Variants in MYO1F observed in about 807,000 individuals in gnomAD.
The protein encoded by MYO1F is unconventional myosin-If.
MYO1F carries 60 observed loss-of-function variants against 146.6 expected under a neutral mutation model. That is an observed-to-expected ratio of 0.41 (90% confidence interval 0.33 to 0.51). MYO1F has a LOEUF of 0.51. Among genes scored for constraint, MYO1F ranks in the 20% least tolerant of loss-of-function variants. MYO1F has a pLI of 0.25. For synonymous variants in MYO1F, 602 were observed against 602.1 expected (o/e 1.00, Z 0.00); for missense variants, 1,274 against 1,534.3 (o/e 0.83, Z 2.83).
chr19:8,559,552 T>G (rs1277327104), intron 1 of MYO1F, among the ~76,000 whole-genome samples: 1 of 151,962 alleles, frequency 6.6e-6, no homozygotes, highest in African/African-American at 2.4e-5. Context: ...CCAGGGTTGA[T>G]GAGAGGATGA....
Position 8,553,363 on chromosome 19 carries a change from C to T in MYO1F, c.401G>A (p.Gly134Asp). Reference protein sequence around the residue: ...MGYISKVSGGGEKVQHVKDII... With the variant: ...MGYISKVSGGDEKVQHVKDII... The stretch of plus-strand genomic sequence containing the variant: ...TCCTCGTCTCACCTGGACCTTCTCG[C>T]CTCCGCCAGACACCTTGGAGATGTA... Residue 134 changes from glycine to aspartate, a missense_variant, in exon 5 of 28, where the codon GGC (glycine) becomes GAC (aspartate). Transcript: ENST00000644032. The T allele has an allele frequency of 6.2e-7, 1 of 1,614,064 alleles. No individual in the cohort carries two copies. The highest frequency in any genetic ancestry group is 8.5e-7 in the Non-Finnish European group (1 of 1,180,016).
At chr19:8,527,616 G>A (rs1555719020) in intron 21 of MYO1F, 133 bp from the exon 22 acceptor site, 1 of 1,115,332 alleles carries the variant, frequency 9.0e-7, no homozygotes, top group Non-Finnish European at 1.3e-6. Flanking sequence ...GAAGGTGTAT[G>A]AGTCGTCTGT....
intron 8 of MYO1F, chr19:8,551,524 G>T (rs1423712742): frequency 3.4e-6 from 2 of 587,948 alleles, no homozygotes; most frequent in African/African-American, 1.9e-5. Context: ...GCTAATTTTT[G>T]TATTTTAAGT....
At chr19:8,574,070 A>T (rs897392164) in intron 1 of MYO1F, among the ~76,000 whole-genome samples, 2 of 151,970 alleles carry the variant, frequency 1.3e-5, no homozygotes, top group Non-Finnish European at 2.9e-5. Context: ...TCCAAATAAC[A>T]GCAACCACCG....
In MYO1F at chr19:8,538,652, A is replaced by G. The variant is rs1234615555; in HGVS notation, c.1692+1295T>C. Among the ~76,000 whole-genome samples the G allele has an allele frequency of 4.1e-5, 6 of 144,850 alleles. No homozygotes were observed. The East Asian group carries it at 1.3e-3, about 31-fold the overall frequency. On this transcript the variant is annotated intron_variant, in intron 16 of 27. Coordinates refer to ENST00000644032, the MANE Select transcript of MYO1F (RefSeq NM_012335.4). ...TCCCAGGCTAAAGTGCCAGGGTGCA[A>G]TCATGGTTCACTGCAGCCTCGACCT...
At chr19:8,522,884 A>G in intron 25 of MYO1F, 55 bp from the exon 26 acceptor site, 1 of 1,486,302 alleles carries the variant, frequency 6.7e-7, no homozygotes, top group South Asian at 1.2e-5. Flanking sequence ...GGAGGATTTG[A>G]GGAGGACTTG....
At chr19:8,551,467 T>C (rs1354659666) in intron 8 of MYO1F, 1 of 424,292 alleles carries the variant, frequency 2.4e-6, no homozygotes, top group African/African-American at 2.1e-5. Context: ...TTTTCCTGCC[T>C]CTGCCTCCCC....
At chr19:8,547,929 C>T (rs554784680) in intron 12 of MYO1F, 107 bp downstream of exon 12, 63 of 1,061,234 alleles carry the variant, frequency 5.9e-5, no homozygotes, top group South Asian at 4.7e-4. Context: ...GAGGTGGGAA[C>T]GCGGTGGGGA....
At chr19:8,560,688 G>A (rs577432847) in intron 1 of MYO1F, among the ~76,000 whole-genome samples, 23 of 150,182 alleles carry the variant, frequency 1.5e-4, no homozygotes, top group African/African-American at 5.4e-4. Context: ...GATCCTCCTG[G>A]TCTCAGCCTC....
At chr19:8,533,651 C>T (rs1972586105) in intron 19 of MYO1F, among the ~76,000 whole-genome samples, 1 of 152,194 alleles carries the variant, frequency 6.6e-6, no homozygotes, top group African/African-American at 2.4e-5. Flanking sequence ...AGCCAGCACG[C>T]TTAGCCTCAG....
At chr19:8,527,237 C>T (rs1215224941) in intron 22 of MYO1F, 101 bp downstream of exon 22, 20 of 1,512,056 alleles carry the variant, frequency 1.3e-5, no homozygotes, top group Non-Finnish European at 1.8e-5. Flanking sequence ...ACAGGCATGG[C>T]ACCAGGTAAG....
In MYO1F at chr19:8,525,524, T is replaced by C. The variant is rs753576044; in HGVS notation, c.2809A>G (p.Arg937Gly). ...RKGMAKGKPR[R>G]SSQAPTRAAP... is the part of the protein sequence containing the mutation. ...GCCCGGGTAGGGGCTTGGGACGACC[T>C]CCGAGGTTTTCCCTTGGCCATTCCC... The change falls in exon 25 of 28, where the codon AGG (arginine) becomes GGG (glycine). Residue 937 changes from arginine to glycine, a missense_variant. Transcript: ENST00000644032. 5 of 1,613,534 alleles carry C rather than the reference T, an allele frequency of 3.1e-6. No individual in the cohort carries two copies. The highest frequency in any genetic ancestry group is 3.3e-5 in the Admixed American group (2 of 60,016).
chr19:8,522,607 C>T (rs1972107097), intron 26 of MYO1F, 27 bp downstream of exon 26: 1 of 1,610,112 alleles, frequency 6.2e-7, no homozygotes, highest in Non-Finnish European at 8.5e-7. Flanking sequence ...TGCCCACCTC[C>T]TGGAGCTGCC....
Position 8,522,441 on chromosome 19 carries a change from G to A in MYO1F, c.3156C>T (p.Tyr1052=), listed in dbSNP as rs1370300693. 2 of 1,614,170 alleles carry A rather than the reference G, an allele frequency of 1.2e-6. No individual in the cohort carries two copies. The highest frequency in any genetic ancestry group is 2.2e-5 in the South Asian group (2 of 91,082). The change falls in exon 27 of 28, where the codon TAC becomes TAT. Residue 1052 remains tyrosine, a synonymous_variant. Coordinates refer to ENST00000644032, the MANE Select transcript of MYO1F (RefSeq NM_012335.4). ...TCAGCTCGTCCACATCTTGGCCCAC[G>A]TACTGGTATAGGGCCCGGCACCTGG... is the stretch of plus-strand genomic sequence containing the variant. ...HGPRCRALYQ[Y]VGQDVDELSF...
At chr19:8,552,805 C>T (rs8106859) in intron 6 of MYO1F, among the ~76,000 whole-genome samples, 3,614 of 152,138 alleles carry the variant, frequency 0.024, 165 homozygotes, top group African/African-American at 0.083. Flanking sequence ...ACACAAAGAA[C>T]GAGTCCCAGA....
intron 1 of MYO1F, among the ~76,000 whole-genome samples, chr19:8,575,779 A>G (rs1459043536): frequency 2.0e-5 from 3 of 152,162 alleles, no homozygotes; most frequent in African/African-American, 7.2e-5. Flanking sequence ...TTGTCTGCCA[A>G]GCCGACTGTT....
chr19:8,574,582 TCTCTCTCTCTCTC>T (rs1600072336), intron 1 of MYO1F, among the ~76,000 whole-genome samples: 101 of 85,134 alleles, frequency 1.2e-3, no homozygotes, highest in Middle Eastern at 9.9e-3. Context: ...TTTCTTTCTC[TCTCTCTCTCTCTC>T]TCTTTCTTTC....
chr19:8,554,339 A>C, intron 4 of MYO1F, 138 bp downstream of exon 4: 1 of 797,486 alleles, frequency 1.3e-6, no homozygotes. Flanking sequence ...TGACAAGGAA[A>C]ATAAAACAGA....
At chr19:8,562,725 G>A (rs1245257295) in intron 1 of MYO1F, among the ~76,000 whole-genome samples, 2 of 151,024 alleles carry the variant, frequency 1.3e-5, no homozygotes, top group Non-Finnish European at 3.0e-5. Flanking sequence ...TTACAGATGG[G>A]GTCTCCCTAT....
Sources: allele counts gnomAD v4.1 joint callset (sites outside exome capture counted in the v4.1 genomes callset), GRCh38; gene constraint gnomAD v4.1.1; transcripts MANE v1.5; gene names NCBI Gene and HGNC (gene_info 2026-07-23, HGNC 2026-07-21).